The following KCNQ3 variants were observed in gnomAD, a reference collection of about 807,000 sequenced individuals.
KCNQ3 encodes potassium voltage-gated channel subfamily Q member 3.
KCNQ3 carries 30 observed loss-of-function variants against 92.5 expected under a neutral mutation model. That is an observed-to-expected ratio of 0.32 (90% confidence interval 0.24 to 0.44). The LOEUF (loss-of-function observed/expected upper bound fraction) is 0.44. KCNQ3 is among the 20% of genes least tolerant of loss of function. The pLI, the probability that KCNQ3 is intolerant of heterozygous loss-of-function variation, is 1.00. For missense variants in KCNQ3, 913 were observed against 1,140.3 expected (o/e 0.80, Z 2.87); for synonymous variants, 450 against 468.8 (o/e 0.96, Z 0.52).
At chr8:132,130,898 A>G (rs2436134) in intron 14 of KCNQ3, among the ~76,000 whole-genome samples, 63,543 of 152,112 alleles carry the variant, frequency 0.42, 14,298 homozygotes, top group Non-Finnish European at 0.51. Context: ...GACAATTCAC[A>G]ACTCACCAGG....
At chr8:132,469,120 G>A (rs774364479) in intron 1 of KCNQ3, among the ~76,000 whole-genome samples, 3 of 152,158 alleles carry the variant, frequency 2.0e-5, no homozygotes, top group Non-Finnish European at 2.9e-5. Flanking sequence ...GACTCTCTTC[G>A]TCTTTCCAAA....
intron 1 of KCNQ3, among the ~76,000 whole-genome samples, chr8:132,311,131 C>T (rs950992768): frequency 3.9e-5 from 6 of 152,006 alleles, no homozygotes; most frequent in Admixed American, 6.6e-5. Flanking sequence ...AGTTTTACCA[C>T]GTTGGCCAGG....
At chr8:132,138,741 C>T (rs918125323) in intron 11 of KCNQ3, among the ~76,000 whole-genome samples, 1 of 152,222 alleles carries the variant, frequency 6.6e-6, no homozygotes, top group Non-Finnish European at 1.5e-5. Context: ...GGTCACAGCC[C>T]TTCCCAGGCC....
At chr8:132,183,492 T>C (rs62519600) in intron 3 of KCNQ3, among the ~76,000 whole-genome samples, 5,812 of 152,172 alleles carry the variant, frequency 0.038, 174 homozygotes, top group Non-Finnish European at 0.056. Flanking sequence ...TGACACTCTA[T>C]GATCCTGTAA....
chr8:132,149,185 G>A (rs1207854614), intron 9 of KCNQ3, among the ~76,000 whole-genome samples: 2 of 152,220 alleles, frequency 1.3e-5, no homozygotes, highest in Non-Finnish European at 2.9e-5. Context: ...GATAGATGCA[G>A]GAGGCAGATG....
chr8:132,355,884 T>G (rs1364849584), intron 1 of KCNQ3, among the ~76,000 whole-genome samples: 1 of 152,152 alleles, frequency 6.6e-6, no homozygotes, highest in Non-Finnish European at 1.5e-5. Flanking sequence ...CTTCAGAAAC[T>G]CCAAAGATTG....
At chr8:132,404,689 T>C (rs980016651) in intron 1 of KCNQ3, among the ~76,000 whole-genome samples, 1 of 152,144 alleles carries the variant, frequency 6.6e-6, no homozygotes, top group Non-Finnish European at 1.5e-5. Context: ...TGGCTCTGCT[T>C]CTCTGGTGGT....
At chr8:132,363,016 C>A (rs1053692988) in intron 1 of KCNQ3, among the ~76,000 whole-genome samples, 2 of 152,130 alleles carry the variant, frequency 1.3e-5, no homozygotes, top group African/African-American at 4.8e-5. Context: ...GTTACCAAAA[C>A]CTGGACACTG....
At chr8:132,158,081 T>C (rs1357487873) in intron 9 of KCNQ3, among the ~76,000 whole-genome samples, 8 of 152,114 alleles carry the variant, frequency 5.3e-5, no homozygotes, top group Non-Finnish European at 5.9e-5. Flanking sequence ...CCCTCTGAGG[T>C]TAAATAAAAT....
intron 8 of KCNQ3, among the ~76,000 whole-genome samples, chr8:132,164,561 C>T (rs1312638752): frequency 6.6e-6 from 1 of 152,044 alleles, no homozygotes; most frequent in Non-Finnish European, 1.5e-5. Flanking sequence ...GCTGGCCATA[C>T]ATTCTCTGGG....
At chr8:132,297,427 T>C (rs1817073072) in intron 1 of KCNQ3, among the ~76,000 whole-genome samples, 1 of 152,228 alleles carries the variant, frequency 6.6e-6, no homozygotes, top group Non-Finnish European at 1.5e-5. Flanking sequence ...TGGAAAAGTC[T>C]CTTTTTATTT....
chr8:132,203,047 G>T (rs548415597), intron 1 of KCNQ3, among the ~76,000 whole-genome samples: 1 of 152,164 alleles, frequency 6.6e-6, no homozygotes, highest in Non-Finnish European at 1.5e-5. Context: ...TCCTGTGAGG[G>T]TCTTTTTGCT....
At chr8:132,267,715 C>G (rs1231776465) in intron 1 of KCNQ3, among the ~76,000 whole-genome samples, 4 of 152,200 alleles carry the variant, frequency 2.6e-5, no homozygotes, top group Non-Finnish European at 5.9e-5. Context: ...AGGCACCACT[C>G]AAATCTCCTG....
chr8:132,173,315 A>T (rs968528601), intron 6 of KCNQ3, among the ~76,000 whole-genome samples: 4 of 152,208 alleles, frequency 2.6e-5, no homozygotes, highest in Non-Finnish European at 5.9e-5. Flanking sequence ...ACTGAGATTT[A>T]AGAAGGTCAT....
chr8:132,340,513 A>G (rs901533423), intron 1 of KCNQ3, among the ~76,000 whole-genome samples: 1 of 152,206 alleles, frequency 6.6e-6, no homozygotes, highest in Non-Finnish European at 1.5e-5. Flanking sequence ...ACACAAGAAC[A>G]GAAAACCAAA....
chr8:132,264,839 C>T (rs545086429), intron 1 of KCNQ3, among the ~76,000 whole-genome samples: 2 of 152,150 alleles, frequency 1.3e-5, no homozygotes, highest in African/African-American at 4.8e-5. Flanking sequence ...TAGAAAATAA[C>T]CTGACCCTAA....
intron 1 of KCNQ3, among the ~76,000 whole-genome samples, chr8:132,372,956 G>C (rs1819515237): frequency 6.6e-6 from 1 of 152,012 alleles, no homozygotes; most frequent in South Asian, 2.1e-4. Context: ...TAAGGAGCAG[G>C]TAGAGGAAAG....
In KCNQ3 at chr8:132,171,367, C is replaced by T. The variant is rs76803717; in HGVS notation, c.1141-939G>A. Among the ~76,000 whole-genome samples the T allele has an allele frequency of 4.5e-3, 688 of 152,194 alleles. 3 individuals carry two copies. Among genetic ancestry groups the T allele is most frequent in the African/African-American group, 0.016 (651 of 41,526 alleles). ...TGGAGAAAGCTCACCAGTGGGTGGCCATGCCCTCGCACACAGGCAGCTGTA... is the reference window on the plus strand; with the variant it reads ...TGGAGAAAGCTCACCAGTGGGTGGCTATGCCCTCGCACACAGGCAGCTGTA... On this transcript the variant is annotated intron_variant, in intron 7 of 14. Transcript: ENST00000388996.
intron 1 of KCNQ3, among the ~76,000 whole-genome samples, chr8:132,411,487 C>T (rs1204996654): frequency 6.6e-6 from 1 of 152,138 alleles, no homozygotes; most frequent in Admixed American, 6.5e-5. Flanking sequence ...GCTTAAGAAG[C>T]AGCTCTGGAG....
Sources: allele counts gnomAD v4.1 joint callset (sites outside exome capture counted in the v4.1 genomes callset), GRCh38; gene constraint gnomAD v4.1.1; transcripts MANE v1.5; gene names NCBI Gene and HGNC (gene_info 2026-07-23, HGNC 2026-07-21).